The following MECOM variants were observed in gnomAD, a reference collection of about 807,000 sequenced individuals.
The protein encoded by MECOM is histone-lysine N-methyltransferase MECOM.
MECOM carries 13 observed loss-of-function variants against 116.3 expected under a neutral mutation model. That is an observed-to-expected ratio of 0.11 (90% confidence interval 0.07 to 0.18). The LOEUF (loss-of-function observed/expected upper bound fraction) is 0.18, where lower values mean the gene tolerates loss of function less well. Among genes scored for constraint, MECOM ranks in the 10% least tolerant of loss-of-function variants. The probability of loss-of-function intolerance (pLI) is 1.00; values close to 1 mark genes in which losing one functional copy is unlikely to be tolerated. For synonymous variants in MECOM, 528 were observed against 535.2 expected (o/e 0.99, Z 0.19); for missense variants, 1,299 against 1,509.0 (o/e 0.86, Z 2.31).
chr3:169,418,133 A>G (rs1330627990), intron 1 of MECOM, among the ~76,000 whole-genome samples: 2 of 151,970 alleles, frequency 1.3e-5, no homozygotes, highest in Admixed American at 1.3e-4. Flanking sequence ...AACAAAAAAA[A>G]AAAAAGAAAA....
At chr3:169,509,261 G>A (rs966638122) in intron 1 of MECOM, among the ~76,000 whole-genome samples, 2 of 152,194 alleles carry the variant, frequency 1.3e-5, no homozygotes, top group African/African-American at 2.4e-5. Flanking sequence ...GATGATTGAT[G>A]TTCAGAAGCT....
At chr3:169,467,788 C>T (rs553370590) in intron 1 of MECOM, among the ~76,000 whole-genome samples, 5 of 152,094 alleles carry the variant, frequency 3.3e-5, no homozygotes, top group Non-Finnish European at 7.4e-5. Context: ...TAGCTTTTCA[C>T]CGGCTACAAC....
At chr3:169,659,077 A>G (rs1439515567) in intron 1 of MECOM, among the ~76,000 whole-genome samples, 8 of 149,190 alleles carry the variant, frequency 5.4e-5, no homozygotes, top group African/African-American at 2.0e-4. Context: ...AACTCCAAAA[A>G]AAAAAAAAAA....
At chr3:169,418,933 A>G (rs1184569586) in intron 1 of MECOM, among the ~76,000 whole-genome samples, 4 of 152,196 alleles carry the variant, frequency 2.6e-5, no homozygotes, top group African/African-American at 9.7e-5. Flanking sequence ...AGGATATTCA[A>G]ATAGGAAGAG....
At chr3:169,306,687 A>C (rs978478831) in intron 2 of MECOM, among the ~76,000 whole-genome samples, 1 of 152,212 alleles carries the variant, frequency 6.6e-6, no homozygotes, top group Admixed American at 6.5e-5. Flanking sequence ...AGACTAGAAC[A>C]AGAGCCCCCT....
chr3:169,567,305 T>C (rs976562061), intron 1 of MECOM, among the ~76,000 whole-genome samples: 1 of 152,200 alleles, frequency 6.6e-6, no homozygotes, highest in Non-Finnish European at 1.5e-5. Flanking sequence ...TGTTTGACAG[T>C]AAGTAAACCA....
At chr3:169,242,185 CCTT>C (rs1754914003) in intron 2 of MECOM, among the ~76,000 whole-genome samples, 1 of 152,196 alleles carries the variant, frequency 6.6e-6, no homozygotes, top group East Asian at 1.9e-4. Flanking sequence ...ACGAGAGGAG[CCTT>C]CTTCTTTTTC....
chr3:169,576,834 CACACAGAG>C (rs1157542760), intron 1 of MECOM, among the ~76,000 whole-genome samples: 6 of 92,054 alleles, frequency 6.5e-5, no homozygotes, highest in Non-Finnish European at 1.5e-4. Flanking sequence ...CACACACACA[CACACAGAG>C]AGAGAGAGAG....
At chr3:169,218,813 A>G (rs762636540) in intron 2 of MECOM, among the ~76,000 whole-genome samples, 6 of 152,158 alleles carry the variant, frequency 3.9e-5, no homozygotes, top group Admixed American at 3.3e-4. Context: ...ACTTACTCTT[A>G]CAGTTTTATT....
At chr3:169,159,135 T>G (rs1395648829) in intron 2 of MECOM, among the ~76,000 whole-genome samples, 1 of 152,166 alleles carries the variant, frequency 6.6e-6, no homozygotes, top group East Asian at 1.9e-4. Context: ...CTTGGCCTCA[T>G]GAGCAATCAG....
At chr3:169,261,676 G>A (rs1180894125) in intron 2 of MECOM, among the ~76,000 whole-genome samples, 1 of 152,068 alleles carries the variant, frequency 6.6e-6, no homozygotes, top group Non-Finnish European at 1.5e-5. Flanking sequence ...ACTCCAGCCT[G>A]AGCAACAAGA....
intron 1 of MECOM, among the ~76,000 whole-genome samples, chr3:169,464,866 A>G (rs1283110211): frequency 6.6e-6 from 1 of 152,130 alleles, no homozygotes; most frequent in Non-Finnish European, 1.5e-5. Context: ...AAGAAATTAA[A>G]TTAAACATTA....
intron 1 of MECOM, among the ~76,000 whole-genome samples, chr3:169,565,443 C>T (rs1186635221): frequency 6.6e-6 from 1 of 152,178 alleles, no homozygotes; most frequent in Non-Finnish European, 1.5e-5. Flanking sequence ...TCACCATTAT[C>T]TCTGTCCAGC....
chr3:169,549,830 G>A (rs147157116), intron 1 of MECOM, among the ~76,000 whole-genome samples: 2 of 152,338 alleles, frequency 1.3e-5, no homozygotes, highest in East Asian at 3.9e-4. Context: ...GAGTGAGGAA[G>A]TCCTCTGGGA....
chr3:169,298,502 C>T (rs1488399954), intron 2 of MECOM, among the ~76,000 whole-genome samples: 1 of 151,478 alleles, frequency 6.6e-6, no homozygotes, highest in African/African-American at 2.4e-5. Flanking sequence ...ATATACATAT[C>T]TCCTTATACT....
At chr3:169,234,191 A>G (rs537664167) in intron 2 of MECOM, among the ~76,000 whole-genome samples, 1 of 152,204 alleles carries the variant, frequency 6.6e-6, no homozygotes, top group South Asian at 2.1e-4. Context: ...AGACCTGAAA[A>G]GGCTGAAAAG....
chr3:169,648,968 G>A (rs1048468334), intron 1 of MECOM, among the ~76,000 whole-genome samples: 6 of 152,174 alleles, frequency 3.9e-5, no homozygotes, highest in Non-Finnish European at 8.8e-5. Context: ...GAACTGTGAT[G>A]GGAAAGTTTG....
intron 2 of MECOM, among the ~76,000 whole-genome samples, chr3:169,348,106 T>A (rs1219125529): frequency 6.6e-6 from 1 of 152,076 alleles, no homozygotes; most frequent in Non-Finnish European, 1.5e-5. Flanking sequence ...CCGAAATAAC[T>A]CTATTCCATA....
intron 2 of MECOM, among the ~76,000 whole-genome samples, chr3:169,283,390 T>C (rs2149682542): frequency 6.7e-6 from 1 of 149,386 alleles, no homozygotes; most frequent in South Asian, 2.1e-4. Context: ...ACTCCAGCCC[T>C]GGTGACAGAA....
Sources: gnomAD v4.1 joint callset for allele counts (sites outside exome capture counted in the v4.1 genomes callset) on GRCh38, gnomAD v4.1.1 for gene constraint, MANE v1.5 for transcripts, NCBI Gene and HGNC (gene_info 2026-07-23, HGNC 2026-07-21) for gene names.